HELZ: variants seen among roughly 807,000 people sequenced by gnomAD.
HELZ encodes the protein ATP-dependent RNA helicase with zinc finger domain.
Under a neutral mutation model 218.2 loss-of-function variants are expected in HELZ, and 23 were observed. That is an observed-to-expected ratio of 0.11 (90% CI 0.08 to 0.15). The LOEUF (loss-of-function observed/expected upper bound fraction) is 0.15. Among genes scored for constraint, HELZ ranks in the 10% least tolerant of loss-of-function variants. The probability of loss-of-function intolerance (pLI) is 1.00; values close to 1 mark genes in which losing one functional copy is unlikely to be tolerated. For synonymous variants in HELZ, 814 were observed against 829.4 expected (o/e 0.98, Z 0.32); for missense variants, 1,813 against 2,353.7 (o/e 0.77, Z 4.75).
chr17:67,080,177 T>C (rs565619845), intron 32 of HELZ, among the ~76,000 whole-genome samples: 1 of 152,300 alleles, frequency 6.6e-6, no homozygotes, highest in African/African-American at 2.4e-5. Flanking sequence ...TAACTGTTCA[T>C]TTATTTTTCC....
chr17:67,140,572 C>G (rs2038291976), intron 21 of HELZ, among the ~76,000 whole-genome samples: 1 of 152,044 alleles, frequency 6.6e-6, no homozygotes, highest in Non-Finnish European at 1.5e-5. Context: ...AAAAAATAGC[C>G]TCAAAGAAGT....
At chr17:67,189,460 T>C (rs896413543) in intron 11 of HELZ, 129 bp downstream of exon 11, 87 of 602,614 alleles carry the variant, frequency 1.4e-4, no homozygotes, top group Non-Finnish European at 2.4e-4. Flanking sequence ...TAGTACAATA[T>C]AGAACCTATA....
chr17:67,145,652 A>G (rs2144009219), intron 21 of HELZ, 91 bp downstream of exon 21: 1 of 980,002 alleles, frequency 1.0e-6, no homozygotes, highest in East Asian at 2.4e-5. Flanking sequence ...TATGCAATAC[A>G]ATGTCAACCC....
intron 31 of HELZ, among the ~76,000 whole-genome samples, chr17:67,102,140 T>C (rs116104777): frequency 0.011 from 1,602 of 152,154 alleles, 26 homozygotes; most frequent in African/African-American, 0.035. Context: ...ATGAGAATAG[T>C]CTAAAAATTG....
chr17:67,174,918 G>A (rs1365220977), intron 13 of HELZ, among the ~76,000 whole-genome samples: 1 of 152,186 alleles, frequency 6.6e-6, no homozygotes, highest in African/African-American at 2.4e-5. Flanking sequence ...ATCTGACCAC[G>A]ATGTCACAAA....
intron 13 of HELZ, among the ~76,000 whole-genome samples, chr17:67,178,348 T>C (rs1481554997): frequency 6.6e-6 from 1 of 152,172 alleles, no homozygotes; most frequent in Non-Finnish European, 1.5e-5. Flanking sequence ...ATGACTACCA[T>C]TGACTGAAAG....
intron 20 of HELZ, among the ~76,000 whole-genome samples, chr17:67,147,308 A>C (rs959117798): frequency 6.6e-6 from 1 of 152,146 alleles, no homozygotes; most frequent in African/African-American, 2.4e-5. Context: ...AGATATATAG[A>C]TAGATATATA....
chr17:67,088,099 G>A (rs1245079268), intron 31 of HELZ, among the ~76,000 whole-genome samples: 1 of 152,232 alleles, frequency 6.6e-6, no homozygotes, highest in Non-Finnish European at 1.5e-5. Flanking sequence ...TGCATAGCAT[G>A]TACAGCAGTT....
chr17:67,161,850 C>T (rs995375751), intron 15 of HELZ, among the ~76,000 whole-genome samples: 1 of 152,112 alleles, frequency 6.6e-6, no homozygotes, highest in East Asian at 1.9e-4. Context: ...TGAAACACAT[C>T]AAACTGAGTG....
intron 27 of HELZ, among the ~76,000 whole-genome samples, chr17:67,115,503 G>T (rs2143792527): frequency 6.6e-6 from 1 of 151,944 alleles, no homozygotes; most frequent in South Asian, 2.1e-4. Flanking sequence ...ACTACATCAA[G>T]GCATATCATA....
intron 5 of HELZ, among the ~76,000 whole-genome samples, chr17:67,205,962 A>T (rs948949154): frequency 6.6e-6 from 1 of 152,244 alleles, no homozygotes; most frequent in Non-Finnish European, 1.5e-5. Flanking sequence ...AATAGTCAAT[A>T]ACTATAGATA....
At position 67,194,013 on chromosome 17, in the gene HELZ, G is replaced by A. The variant is rs1344209687; in HGVS notation, c.511C>T (p.Pro171Ser). Reference protein sequence around the residue: ...GSCNGWHFRPPPRGITSSEEY... With the variant: ...GSCNGWHFRPSPRGITSSEEY... Reference sequence around the variant, plus strand: ...TCGCTGCTTGTGATTCCCCTAGGTGGTGGGCGGAAATGCCAACCATTACAA... The same window carrying A: ...TCGCTGCTTGTGATTCCCCTAGGTGATGGGCGGAAATGCCAACCATTACAA... Residue 171 changes from proline to serine, a missense_variant, in exon 9 of 33, where the codon CCA becomes TCA. Physicochemically the swap from Pro to Ser is moderately conservative, Grantham distance 74. Transcript: ENST00000358691. 2 of 1,613,614 alleles carry A rather than the reference G, an allele frequency of 1.2e-6. No homozygotes were observed. Among genetic ancestry groups the A allele is most frequent in the Admixed American group, 1.7e-5 (1 of 59,984 alleles).
intron 27 of HELZ, chr17:67,120,118 C>T (rs1598265183): frequency 8.1e-6 from 3 of 370,266 alleles, no homozygotes; most frequent in East Asian, 1.4e-4. Context: ...ATTCTCCTGC[C>T]TCAGCCTCCC....
chr17:67,243,573 A>G (rs1466308429), intron 2 of HELZ, among the ~76,000 whole-genome samples: 2 of 152,226 alleles, frequency 1.3e-5, no homozygotes, highest in African/African-American at 4.8e-5. Context: ...AAGTACCACT[A>G]TGTTTGAGTA....
In HELZ at chr17:67,108,634, C is replaced by G. The variant is rs771222980; in HGVS notation, c.4582G>C (p.Gly1528Arg). The stretch of plus-strand genomic sequence containing the variant: ...TGATGGTGTGGGTATGGAGCGCTGC[C>G]CTGACTGAGAAAGGCATGATGCTCG... The part of the protein sequence containing the change: ...WSEHHAFLSQ[G>R]SAPYPHHHHP... Residue 1528 changes from glycine (G) to arginine (R), a missense_variant, in exon 30 of 33, where the codon GGC (glycine) becomes CGC (arginine). By Grantham distance (125) the Gly-to-Arg change is moderately radical. Coordinates refer to ENST00000358691, the MANE Select transcript of HELZ (RefSeq NM_014877.4). This position sits in a 1 kb window ranked among gnomAD's most constrained non-coding sequence, Gnocchi z 4.1. 1 of 1,614,006 alleles carries G rather than the reference C, an allele frequency of 6.2e-7. No homozygotes were observed.
intron 20 of HELZ, among the ~76,000 whole-genome samples, chr17:67,146,410 C>T (rs950502943): frequency 3.3e-5 from 5 of 152,276 alleles, no homozygotes; most frequent in African/African-American, 9.6e-5. Context: ...AGGTTTGTAA[C>T]CTAGGAGCCA....
chr17:67,190,867 G>A (rs2039874971), intron 9 of HELZ, among the ~76,000 whole-genome samples: 1 of 152,058 alleles, frequency 6.6e-6, no homozygotes, highest in Non-Finnish European at 1.5e-5. Flanking sequence ...CCGCCACCAC[G>A]CCTGGCTAGT....
chr17:67,097,292 C>T (rs1052819330), intron 31 of HELZ, among the ~76,000 whole-genome samples: 8 of 152,164 alleles, frequency 5.3e-5, no homozygotes, highest in South Asian at 2.1e-4. Context: ...AAAGTGAGCA[C>T]GTGCTGTCAG....
In HELZ at chr17:67,074,735, T is replaced by A. The variant is rs569105882; in HGVS notation, c.*3517A>T. On this transcript the variant is annotated 3_prime_UTR_variant, in exon 33 of 33. Transcript: ENST00000358691. ...CATAAATTGGTCTTAGATGTTGCTA[T>A]GTTTAATTAGGTAATGCTTATTCAG... The A allele has an allele frequency of 2.0e-5, 3 of 152,290 alleles. No homozygotes were observed. In the East Asian group the frequency reaches 5.8e-4, roughly 29 times the overall value. The allele number at this position is 152,290 out of a possible 1,614,324, so 9.4% of individuals were successfully genotyped here.
Sources: gnomAD v4.1 joint callset for allele counts (sites outside exome capture counted in the v4.1 genomes callset) on GRCh38, gnomAD v4.1.1 for gene constraint, Gnocchi (gnomAD v3.1) non-coding constraint, MANE v1.5 for transcripts, NCBI Gene and HGNC (gene_info 2026-07-23, HGNC 2026-07-21) for gene names.